KMT5A: variants seen among roughly 807,000 people sequenced by gnomAD.
KMT5A encodes the protein N-lysine methyltransferase KMT5A.
KMT5A carries 6 observed loss-of-function variants against 40.6 expected under a neutral mutation model. That is an observed-to-expected ratio of 0.15 (90% CI 0.08 to 0.29). The LOEUF is 0.29. KMT5A is among the 10% of genes least tolerant of loss of function. The probability of loss-of-function intolerance (pLI) is 1.00; values close to 1 mark genes in which losing one functional copy is unlikely to be tolerated. For synonymous variants in KMT5A, 153 were observed against 178.8 expected, an observed-to-expected ratio of 0.86 and a Z score of 1.15; for missense variants, 308 against 459.1, an observed-to-expected ratio of 0.67 and a Z score of 3.01.
intron 6 of KMT5A, among the ~76,000 whole-genome samples, chr12:123,404,053 T>C (rs768891162): frequency 6.6e-6 from 1 of 152,196 alleles, no homozygotes; most frequent in Non-Finnish European, 1.5e-5. Context: ...GCTTTCTGTC[T>C]CAGTGGAGTT....
intron 5 of KMT5A, among the ~76,000 whole-genome samples, chr12:123,400,365 AT>A (rs35326700): frequency 2.4e-4 from 35 of 145,946 alleles, no homozygotes; most frequent in African/African-American, 5.6e-4. Flanking sequence ...TTATTTTGCA[AT>A]TTTTTTTTTT....
At chr12:123,390,489 A>C in intron 2 of KMT5A, 141 bp from the exon 3 acceptor site, 5 of 999,034 alleles carry the variant, frequency 5.0e-6, no homozygotes, top group Non-Finnish European at 7.4e-6. Context: ...CTCCTGAGAC[A>C]ATGGGGGCTG....
At chr12:123,389,140 C>CAGCAGCAGCGGCAGCGGCA (rs1566072241) in intron 1 of KMT5A, 1 of 120,790 alleles carries the variant, frequency 8.3e-6, no homozygotes, top group Admixed American at 7.7e-5. Flanking sequence ...GTGGCGGCGG[C>CAGCAGCAGCGGCAGCGGCA]GAGGGCGCGG....
In KMT5A at chr12:123,384,507, C is replaced by G. The variant is rs1876747872; in HGVS notation, c.10+299C>G. 6.6e-6 allele frequency among the ~76,000 whole-genome samples: 1 copy of G among 152,270 alleles called. No individual in the cohort carries two copies. Among genetic ancestry groups the G allele is most frequent in the Admixed American group, 6.5e-5 (1 of 15,290 alleles). On this transcript the variant is annotated intron_variant, in intron 1 of 7. Coordinates refer to ENST00000402868, the MANE Select transcript of KMT5A (RefSeq NM_020382.7). The surrounding 1 kb of genome is among the most constrained non-coding windows in gnomAD (Gnocchi z 5.7). ...TCCATATGTCAGAGCTCTTTGGAAA[C>G]TAAAGCGCAGGGCACCTCCAGGGAA... is the stretch of plus-strand genomic sequence containing the variant.
In KMT5A at chr12:123,396,335, TC is replaced by T. The variant is rs774199184; in HGVS notation, c.510-9del. 7.4e-6 allele frequency: 12 copies of T among 1,612,156 alleles called. No homozygotes were observed. The highest frequency in any genetic ancestry group is 9.3e-6 in the Non-Finnish European group (11 of 1,179,682). On this transcript the variant is annotated splice_polypyrimidine_tract_variant and intron_variant, in intron 4 of 7. Transcript: ENST00000402868. ...TGATATTTATTTTCTCCTCTTCCCC[TC>T]TTACCCAGAGCTCAAGGAAAAACGC... is the stretch of plus-strand genomic sequence containing the variant.
At position 123,395,050 on chromosome 12, in the gene KMT5A, A is replaced by G. The variant is rs1566076486; in HGVS notation, c.293A>G (p.Lys98Arg). The change falls in exon 4 of 8, where the codon AAA becomes AGA. Residue 98 changes from lysine (K) to arginine (R), a missense_variant. Lys to Arg is a conservative substitution (Grantham distance 26, BLOSUM62 2). This residue lies in a region of KMT5A where 127 missense variants were observed against 129.8 expected (regional missense o/e 0.98). Transcript: ENST00000402868. ...LAGIYRKREEKRNAGNAVRSA... is the reference protein window; with the variant it reads ...LAGIYRKREERRNAGNAVRSA... ...TTTCCCCCACCTCCGCCTGCAGAGA[A>G]AAGAAATGCTGGGAACGCAGTACGG... 1.3e-6 allele frequency: 2 copies of G among 1,565,252 alleles called. No homozygotes were observed. Among genetic ancestry groups the G allele is most frequent in the Non-Finnish European group, 1.7e-6 (2 of 1,154,996 alleles).
Position 123,389,509 on chromosome 12 carries a change from G to C in KMT5A, c.87G>C (p.Pro29=). The change falls in exon 2 of 8, where the codon CCG becomes CCC. Residue 29 remains proline (P), a synonymous_variant. Coordinates refer to ENST00000402868, the MANE Select transcript of KMT5A (RefSeq NM_020382.7). ...CGGTGGCAGCGACGGCCCCGGGCCC[G>C]GAGATGGTGGAGCGGAGGGGCCCGG... The part of the protein sequence containing the change: ...AAAVAATAPG[P]EMVERRGPGR... The C allele has an allele frequency of 8.9e-7, 1 of 1,123,534 alleles. No homozygotes were observed. Among genetic ancestry groups the C allele is most frequent in the Non-Finnish European group, 1.1e-6 (1 of 923,726 alleles). 69.6% of individuals were successfully genotyped at this position (1,123,534 alleles called of 1,614,324 possible). A position where few individuals can be genotyped will look rare whatever the true frequency, so the allele number is the denominator to read the frequency against.
intron 1 of KMT5A, chr12:123,388,837 G>C (rs989893222): frequency 6.7e-6 from 1 of 149,636 alleles, no homozygotes; most frequent in African/African-American, 2.4e-5. Flanking sequence ...GCGCGAGAGG[G>C]GGCGCGCCCG....
At position 123,396,840 on chromosome 12, in the gene KMT5A, AAC is replaced by A. The variant is rs566029979; in HGVS notation, c.597+410_597+411del. On this transcript the variant is annotated intron_variant, in intron 5 of 7. Transcript: ENST00000402868. ...TTCCATGTTGTGGCCCAGGGTGTTA[AAC>A]AGCAGTGGCTTGGGGCCACTTGCTG... Among the ~76,000 whole-genome samples, 725 of 152,292 alleles carry A rather than the reference AAC, an allele frequency of 4.8e-3. 4 individuals are homozygous for A. Among genetic ancestry groups the A allele is most frequent in the African/African-American group, 0.017 (702 of 41,556 alleles).
chr12:123,390,281 T>C, intron 2 of KMT5A: 1 of 392,254 alleles, frequency 2.5e-6, no homozygotes, highest in Non-Finnish European at 5.0e-6. Context: ...GCCAGGGCAG[T>C]GAACTCCTAA....
intron 3 of KMT5A, among the ~76,000 whole-genome samples, chr12:123,394,269 A>G (rs796289920): frequency 2.2e-4 from 34 of 151,256 alleles, no homozygotes; most frequent in African/African-American, 8.0e-4. Flanking sequence ...ACACTTGGCT[A>G]ATTTTTGTAT....
rs3881293 is a variant in KMT5A, at chr12:123,408,081, T to C, written c.*378T>C. 1.0e-3 allele frequency: 227 copies of C among 217,820 alleles called. 6 individuals are homozygous for C. In the East Asian group the frequency reaches 0.026, roughly 25 times the overall value. 13.5% of individuals were successfully genotyped at this position (217,820 alleles called of 1,614,324 possible). A position where few individuals can be genotyped will look rare whatever the true frequency, so the allele number is the denominator to read the frequency against. On this transcript the variant is annotated 3_prime_UTR_variant, in exon 8 of 8. Transcript: ENST00000402868. ...TTTCTCCAGTGGAAGAGCCGGGACC[T>C]TCCCCCTGCACCCCCGACATCCAGG...
chr12:123,400,430 G>A (rs28836481), intron 5 of KMT5A, among the ~76,000 whole-genome samples: 4,357 of 148,962 alleles, frequency 0.029, 69 homozygotes, highest in African/African-American at 0.036. Flanking sequence ...GTGCGATCTC[G>A]GCTCACTGCA....
chr12:123,404,418 G>GT (rs1878386809), intron 6 of KMT5A, among the ~76,000 whole-genome samples: 5 of 152,198 alleles, frequency 3.3e-5, no homozygotes, highest in Admixed American at 3.3e-4. Context: ...GTGGAATGAG[G>GT]TAGAGACCCA....
At chr12:123,406,305 T>C (rs1878549139) in intron 7 of KMT5A, among the ~76,000 whole-genome samples, 1 of 152,092 alleles carries the variant, frequency 6.6e-6, no homozygotes, top group Non-Finnish European at 1.5e-5. Context: ...GTTGAATTTT[T>C]TATTTTTTAT....
chr12:123,396,666 C>A (rs1877752463), intron 5 of KMT5A, among the ~76,000 whole-genome samples: 1 of 152,196 alleles, frequency 6.6e-6, no homozygotes, highest in South Asian at 2.1e-4. Flanking sequence ...GTGAAGGAAC[C>A]TTGTGACTTG....
chr12:123,395,913 G>T (rs1221362955), intron 4 of KMT5A, among the ~76,000 whole-genome samples: 1 of 152,136 alleles, frequency 6.6e-6, no homozygotes, highest in Non-Finnish European at 1.5e-5. Context: ...CTGGAGTGCA[G>T]TAGCTCACTG....
intron 5 of KMT5A, among the ~76,000 whole-genome samples, chr12:123,402,166 G>A (rs1878229172): frequency 6.6e-6 from 1 of 152,236 alleles, no homozygotes; most frequent in African/African-American, 2.4e-5. Context: ...ACAGGAGAGA[G>A]CCACTGCCCC....
intron 7 of KMT5A, among the ~76,000 whole-genome samples, chr12:123,406,752 C>T (rs1566083946): frequency 6.6e-6 from 1 of 151,136 alleles, no homozygotes; most frequent in Non-Finnish European, 1.5e-5. Context: ...GTGGGCCAGG[C>T]GTGGTAGCTC....
Sources: allele counts gnomAD v4.1 joint callset (sites outside exome capture counted in the v4.1 genomes callset), GRCh38; gene constraint gnomAD v4.1.1; regional missense constraint gnomAD v4.1.1; non-coding constraint Gnocchi (gnomAD v3.1); transcripts MANE v1.5; gene names NCBI Gene and HGNC (gene_info 2026-07-23, HGNC 2026-07-21).